The following IL23R variants were observed in gnomAD, a reference collection of about 807,000 sequenced individuals.
IL23R encodes interleukin 23 receptor, also known as interleukin-23 receptor.
In IL23R, 34 loss-of-function variants were observed where a neutral mutation model predicts 56.9. The ratio of observed to expected loss-of-function variants is 0.60; its 90% CI spans 0.45 to 0.80. The LOEUF (loss-of-function observed/expected upper bound fraction) is 0.80. Ranked by LOEUF, IL23R falls within the 30% of genes least tolerant of loss-of-function variation. The probability of loss-of-function intolerance (pLI) is 0.00; values close to 1 mark genes in which losing one functional copy is unlikely to be tolerated. For synonymous variants in IL23R, 230 were observed against 249.2 expected, an observed-to-expected ratio of 0.92 and a Z score of 0.73; for missense variants, 635 against 730.0, an observed-to-expected ratio of 0.87 and a Z score of 1.50.
Position 67,259,207 on chromosome 1 carries a change from CTGCCTCTTTT to C in IL23R, c.*82_*91del, listed in dbSNP as rs1410897554. On this transcript the variant is annotated 3_prime_UTR_variant, in exon 11 of 11. Transcript: ENST00000347310. Reference sequence around the variant, plus strand: ...TTTTCCCTGCAATAGAAATTGAATTCTGCCTCTTTTTGAAAAAAATGTATTCACATACAAA... The same window carrying C: ...TTTTCCCTGCAATAGAAATTGAATTCTGAAAAAAATGTATTCACATACAAA... The C allele has an allele frequency of 1.4e-6, 2 of 1,405,690 alleles. No individual in the cohort carries two copies. The highest frequency in any genetic ancestry group is 1.0e-6 in the Non-Finnish European group (1 of 998,758). 87.1% of individuals were successfully genotyped at this position (1,405,690 alleles called of 1,614,324 possible).
At chr1:67,216,077 A>G (rs1649812629) in intron 6 of IL23R, among the ~76,000 whole-genome samples, 2 of 152,146 alleles carry the variant, frequency 1.3e-5, no homozygotes, top group South Asian at 4.1e-4. Flanking sequence ...TTGTATCTTT[A>G]TGGGCTGTCT....
At chr1:67,176,106 A>T (rs1570783619) in intron 3 of IL23R, among the ~76,000 whole-genome samples, 1 of 152,230 alleles carries the variant, frequency 6.6e-6, no homozygotes, top group African/African-American at 2.4e-5. Context: ...AGAGAAAGTC[A>T]TCAATGACCT....
chr1:67,170,476 G>A (rs1646929581), intron 3 of IL23R, among the ~76,000 whole-genome samples: 1 of 152,046 alleles, frequency 6.6e-6, no homozygotes, highest in Non-Finnish European at 1.5e-5. Context: ...GCTTAGTCAA[G>A]TCAATCTTAA....
chr1:67,217,592 TC>T (rs1649931149), intron 6 of IL23R, among the ~76,000 whole-genome samples: 1 of 151,864 alleles, frequency 6.6e-6, no homozygotes, highest in Non-Finnish European at 1.5e-5. Flanking sequence ...AAGTAAAATT[TC>T]TCTAGATCCC....
intron 1 of IL23R, among the ~76,000 whole-genome samples, chr1:67,160,673 A>G (rs759440019): frequency 2.0e-5 from 3 of 152,062 alleles, no homozygotes; most frequent in Non-Finnish European, 4.4e-5. Context: ...TGTGAACTCT[A>G]TTCTTTTTTG....
At chr1:67,225,176 A>C (rs947167475) in intron 7 of IL23R, among the ~76,000 whole-genome samples, 1 of 152,228 alleles carries the variant, frequency 6.6e-6, no homozygotes, top group Non-Finnish European at 1.5e-5. Context: ...ACAGAGCTTC[A>C]TTTCTAATGC....
At chr1:67,140,800 CACTT>C (rs1432198767) in intron 1 of IL23R, among the ~76,000 whole-genome samples, 3 of 152,064 alleles carry the variant, frequency 2.0e-5, no homozygotes, top group African/African-American at 7.2e-5. Flanking sequence ...ATTGAATTCT[CACTT>C]ATTAGATTTA....
intron 6 of IL23R, among the ~76,000 whole-genome samples, chr1:67,209,966 T>A (rs1215564204): frequency 6.6e-6 from 1 of 152,194 alleles, no homozygotes; most frequent in Non-Finnish European, 1.5e-5. Flanking sequence ...AAAATTTAAG[T>A]ATTCTGTGCT....
At chr1:67,195,259 C>T (rs561406435) in intron 4 of IL23R, among the ~76,000 whole-genome samples, 20 of 152,268 alleles carry the variant, frequency 1.3e-4, no homozygotes, top group Non-Finnish European at 2.4e-4. Context: ...TCTCAAACTC[C>T]TGACCTCAAG....
At chr1:67,208,611 G>A (rs530693047) in intron 6 of IL23R, among the ~76,000 whole-genome samples, 147 of 152,346 alleles carry the variant, frequency 9.6e-4, no homozygotes, top group African/African-American at 3.2e-3. Context: ...CGGGTACACA[G>A]AAGTCAGAAT....
At chr1:67,227,977 T>C (rs950745194) in intron 7 of IL23R, among the ~76,000 whole-genome samples, 19 of 89,192 alleles carry the variant, frequency 2.1e-4, no homozygotes, top group African/African-American at 8.3e-4. Flanking sequence ...TTTCTTTCTT[T>C]CTTTCTTTCT....
intron 7 of IL23R, among the ~76,000 whole-genome samples, chr1:67,229,103 C>T (rs1014727293): frequency 3.9e-5 from 6 of 152,204 alleles, no homozygotes; most frequent in Non-Finnish European, 2.9e-5. Context: ...TTCATTCTGG[C>T]ACTATCTGCC....
intron 1 of IL23R, among the ~76,000 whole-genome samples, chr1:67,146,297 G>T (rs1646678722): frequency 1.3e-5 from 2 of 152,136 alleles, no homozygotes; most frequent in South Asian, 4.1e-4. Flanking sequence ...CTGCCACAGT[G>T]CCTGTCGATG....
intron 9 of IL23R, among the ~76,000 whole-genome samples, chr1:67,251,207 C>T (rs1335322189): frequency 1.3e-5 from 2 of 152,144 alleles, no homozygotes; most frequent in Non-Finnish European, 2.9e-5. Context: ...AATTCCAGCA[C>T]TTTGGGAGGC....
chr1:67,227,862 G>C lies in IL23R; in HGVS notation c.955+8132G>C, dbSNP rs141532460. ...GGTCCTGCCTCTGATAAACCACCAA[G>C]TTTCTGCAGAATAGGAAACAATTCA... On this transcript the variant is annotated intron_variant, in intron 7 of 10. Transcript: ENST00000347310. 1.2e-3 allele frequency among the ~76,000 whole-genome samples: 177 copies of C among 152,242 alleles called. 1 individual carries two copies. The highest frequency in any genetic ancestry group is 4.1e-3 in the African/African-American group (172 of 41,556).
chr1:67,233,273 G>A (rs979028964), intron 7 of IL23R, among the ~76,000 whole-genome samples: 2 of 150,802 alleles, frequency 1.3e-5, no homozygotes, highest in African/African-American at 4.9e-5. Context: ...GGTTGAGACA[G>A]GAGAATTGCT....
At chr1:67,199,499 C>T (rs186631651) in intron 4 of IL23R, among the ~76,000 whole-genome samples, 32 of 152,222 alleles carry the variant, frequency 2.1e-4, no homozygotes, top group Admixed American at 1.4e-3. Flanking sequence ...TGTCCAGTGC[C>T]GACTTCCCTA....
intron 9 of IL23R, among the ~76,000 whole-genome samples, chr1:67,240,548 T>C (rs1195938303): frequency 1.3e-5 from 2 of 152,186 alleles, no homozygotes; most frequent in East Asian, 3.8e-4. Flanking sequence ...GGCTAAGTCC[T>C]CAGCCCAGAA....
At chr1:67,229,594 C>G (rs150386541) in intron 7 of IL23R, among the ~76,000 whole-genome samples, 272 of 152,290 alleles carry the variant, frequency 1.8e-3, no homozygotes, top group Non-Finnish European at 3.0e-3. Context: ...ACCTTCTAAT[C>G]GTGCCTTGAT....
Sources: gnomAD v4.1 joint callset for allele counts (sites outside exome capture counted in the v4.1 genomes callset) on GRCh38, gnomAD v4.1.1 for gene constraint, MANE v1.5 for transcripts, NCBI Gene and HGNC (gene_info 2026-07-23, HGNC 2026-07-21) for gene names.